The following ZIM2 variants were observed in gnomAD, a reference collection of about 807,000 sequenced individuals.
ZIM2 encodes zinc finger protein 656.
ZIM2 carries 14 observed loss-of-function variants against 38.6 expected under a neutral mutation model. The ratio of observed to expected loss-of-function variants is 0.36; its 90% confidence interval spans 0.24 to 0.57. The LOEUF (loss-of-function observed/expected upper bound fraction) is 0.57. Among genes scored for constraint, ZIM2 ranks in the 20% least tolerant of loss-of-function variants. The probability of loss-of-function intolerance (pLI) is 0.81; values close to 1 mark genes in which losing one functional copy is unlikely to be tolerated. For missense variants in ZIM2, 680 were observed against 695.1 expected (o/e 0.98, Z 0.24); for synonymous variants, 247 against 245.8 (o/e 1.00, Z -0.04).
At chr19:56,782,381 T>A in intron 10 of ZIM2, 1 of 483,078 alleles carries the variant, frequency 2.1e-6, no homozygotes, top group Non-Finnish European at 3.9e-6. Context: ...TGCAAATACT[T>A]AAAAGCTCAG....
chr19:56,810,568 GTAT>G, intron 9 of ZIM2: 1 of 934,586 alleles, frequency 1.1e-6, no homozygotes. Context: ...GTATGAGTAT[GTAT>G]TATATTTGTA....
chr19:56,828,065 A>G (rs1468308956), intron 2 of ZIM2, among the ~76,000 whole-genome samples: 1 of 152,210 alleles, frequency 6.6e-6, no homozygotes, highest in Non-Finnish European at 1.5e-5. Flanking sequence ...AAGTTAAAAC[A>G]AAACAATAAA....
chr19:56,835,358 G>A (rs1337647744), intron 2 of ZIM2, among the ~76,000 whole-genome samples: 1 of 152,144 alleles, frequency 6.6e-6, no homozygotes, highest in Non-Finnish European at 1.5e-5. Flanking sequence ...TCAATCAGAT[G>A]CCACTCAACG....
chr19:56,830,225 G>T (rs1229418502), intron 2 of ZIM2, among the ~76,000 whole-genome samples: 1 of 152,152 alleles, frequency 6.6e-6, no homozygotes, highest in Non-Finnish European at 1.5e-5. Context: ...GCATATAGAT[G>T]CAAAAACATT....
At chr19:56,824,731 T>A in intron 3 of ZIM2, 1 of 1,379,836 alleles carries the variant, frequency 7.2e-7, no homozygotes, top group South Asian at 1.4e-5. Flanking sequence ...TGACCGTCAG[T>A]ACTCAGGGAC....
chr19:56,775,679 C>T, intron 12 of ZIM2, 150 bp from the exon 13 acceptor site: 1 of 1,380,316 alleles, frequency 7.2e-7, no homozygotes, highest in Non-Finnish European at 9.5e-7. Flanking sequence ...GTAAAAATTC[C>T]TCTATTCTTT....
intron 2 of ZIM2, among the ~76,000 whole-genome samples, chr19:56,830,005 T>A (rs58800759): frequency 0.013 from 1,963 of 152,304 alleles, 47 homozygotes; most frequent in African/African-American, 0.045. Flanking sequence ...AAATGAAATA[T>A]TAAAGCTGAG....
At chr19:56,789,566 A>G (rs1178181119) in intron 10 of ZIM2, among the ~76,000 whole-genome samples, 1 of 152,224 alleles carries the variant, frequency 6.6e-6, no homozygotes, top group Admixed American at 6.5e-5. Context: ...GTAAACAATT[A>G]ATTCAAAAGA....
chr19:56,824,566 CTCCTTAGTCAAG>C, intron 3 of ZIM2, 139 bp from the exon 4 acceptor site: 1 of 1,614,164 alleles, frequency 6.2e-7, no homozygotes, highest in Non-Finnish European at 8.5e-7. Context: ...TGACATCCGG[CTCCTTAGTCAAG>C]TCACTGTCTA....
chr19:56,795,568 C>G (rs1365301608), intron 9 of ZIM2, among the ~76,000 whole-genome samples: 5 of 152,228 alleles, frequency 3.3e-5, no homozygotes, highest in African/African-American at 1.2e-4. Context: ...CTGCGGTGGA[C>G]GGGCTGAGGA....
intron 2 of ZIM2, 141 bp from the exon 3 acceptor site, chr19:56,826,604 C>T (rs2061059084): frequency 6.6e-6 from 1 of 152,164 alleles, no homozygotes. Context: ...GGGGAAAGGC[C>T]ATTCCCATGC....
At chr19:56,802,219 T>C (rs1351214506) in intron 9 of ZIM2, among the ~76,000 whole-genome samples, 2 of 152,178 alleles carry the variant, frequency 1.3e-5, no homozygotes, top group Non-Finnish European at 1.5e-5. Flanking sequence ...AGGCTGACAC[T>C]GGGCATGAGG....
intron 9 of ZIM2, chr19:56,815,867 C>G (rs1037984346): frequency 6.2e-7 from 1 of 1,613,450 alleles, no homozygotes; most frequent in Middle Eastern, 1.6e-4. Context: ...GAGGATTCTC[C>G]CTTCTCATTA....
chr19:56,811,329 G>T, intron 9 of ZIM2: 1 of 898,484 alleles, frequency 1.1e-6, no homozygotes, highest in Non-Finnish European at 1.3e-6. Context: ...TAAATGAACT[G>T]TTAAATGAAC....
chr19:56,817,233 C>T (rs751816891), intron 9 of ZIM2: 11 of 1,613,928 alleles, frequency 6.8e-6, no homozygotes, highest in African/African-American at 5.3e-5. Context: ...GATCGTGAAT[C>T]GAGCCCTTCC....
At chr19:56,801,557 G>A (rs1309014275) in intron 9 of ZIM2, among the ~76,000 whole-genome samples, 1 of 152,108 alleles carries the variant, frequency 6.6e-6, no homozygotes, top group Non-Finnish European at 1.5e-5. Context: ...AGATCCTGAG[G>A]GGTTTCAAAA....
intron 11 of ZIM2, 135 bp from the exon 12 acceptor site, chr19:56,779,607 T>C (rs2046217684): frequency 1.3e-6 from 1 of 791,034 alleles, no homozygotes; most frequent in East Asian, 2.7e-5. Context: ...ACAGAGATTT[T>C]ACCCCCTAAG....
At chr19:56,810,447 A>G in intron 9 of ZIM2, 1 of 984,154 alleles carries the variant, frequency 1.0e-6, no homozygotes, top group African/African-American at 1.7e-5. Flanking sequence ...CATACTTATC[A>G]CTAACACCCT....
chr19:56,832,913 C>G (rs1039769291), intron 2 of ZIM2, among the ~76,000 whole-genome samples: 7 of 152,204 alleles, frequency 4.6e-5, no homozygotes, highest in Non-Finnish European at 8.8e-5. Context: ...TTTTATGACA[C>G]TTTACTTCTA....
Sources: gnomAD v4.1 joint callset for allele counts (sites outside exome capture counted in the v4.1 genomes callset) on GRCh38, gnomAD v4.1.1 for gene constraint, MANE v1.5 for transcripts, NCBI Gene and HGNC (gene_info 2026-07-23, HGNC 2026-07-21) for gene names.